AUTS2: variants seen among roughly 807,000 people sequenced by gnomAD.
The protein encoded by AUTS2 is activator of transcription and developmental regulator AUTS2.
AUTS2 carries 17 observed loss-of-function variants against 112.4 expected under a neutral mutation model. That is an observed-to-expected ratio of 0.15 (90% CI 0.10 to 0.23). AUTS2 has a LOEUF of 0.23. AUTS2 is among the 10% of genes least tolerant of loss of function. The pLI, the probability that AUTS2 is intolerant of heterozygous loss-of-function variation, is 1.00. For missense variants in AUTS2, 1,510 were observed against 1,701.6 expected (o/e 0.89, Z 1.98); for synonymous variants, 751 against 702.7 (o/e 1.07, Z -1.09).
At chr7:69,860,070 T>G (rs1792907602) in intron 1 of AUTS2, among the ~76,000 whole-genome samples, 2 of 152,058 alleles carry the variant, frequency 1.3e-5, no homozygotes, top group South Asian at 4.2e-4. Flanking sequence ...GTTTTTTGTT[T>G]TATTTTCTGT....
intron 2 of AUTS2, among the ~76,000 whole-genome samples, chr7:70,079,845 A>T (rs774557239): frequency 3.3e-5 from 5 of 152,156 alleles, no homozygotes; most frequent in Non-Finnish European, 5.9e-5. Context: ...TATTTGGCAG[A>T]TGGTTCTGGA....
intron 2 of AUTS2, among the ~76,000 whole-genome samples, chr7:69,917,289 C>CTTTTTTTTTTTTTTTTTTTTTTT (rs11313164): frequency 7.5e-6 from 1 of 133,298 alleles, no homozygotes; most frequent in Non-Finnish European, 1.6e-5. Context: ...CTTTTTTTTT[C>CTTTTTTTTTTTTTTTTTTTTTTT]TTTTTTTTTT....
chr7:69,627,503 A>C (rs1006821004), intron 1 of AUTS2, among the ~76,000 whole-genome samples: 19 of 152,068 alleles, frequency 1.2e-4, no homozygotes, highest in East Asian at 7.7e-4. Context: ...AAAAAACCCC[A>C]AAAAAACAAA....
intron 1 of AUTS2, among the ~76,000 whole-genome samples, chr7:69,765,517 G>T (rs1174107864): frequency 6.6e-6 from 1 of 152,150 alleles, no homozygotes; most frequent in Non-Finnish European, 1.5e-5. Flanking sequence ...GGGTCTCACT[G>T]TGTTGCCCAG....
chr7:70,267,866 T>C (rs934662112), intron 4 of AUTS2, among the ~76,000 whole-genome samples: 11 of 152,054 alleles, frequency 7.2e-5, no homozygotes, highest in East Asian at 1.9e-4. Context: ...GGATTGCTTT[T>C]CCCCCCCTAC....
At chr7:69,737,298 G>T (rs978001757) in intron 1 of AUTS2, among the ~76,000 whole-genome samples, 2 of 152,054 alleles carry the variant, frequency 1.3e-5, no homozygotes, top group East Asian at 1.9e-4. Context: ...TGCTATTAAT[G>T]TACCAAGTAC....
At chr7:69,632,994 T>C (rs1463155446) in intron 1 of AUTS2, among the ~76,000 whole-genome samples, 1 of 152,204 alleles carries the variant, frequency 6.6e-6, no homozygotes, top group Non-Finnish European at 1.5e-5. Context: ...TAAAATCTAC[T>C]CATTTAGCAT....
At chr7:70,308,199 C>T (rs1480849369) in intron 4 of AUTS2, among the ~76,000 whole-genome samples, 3 of 152,190 alleles carry the variant, frequency 2.0e-5, no homozygotes, top group Non-Finnish European at 2.9e-5. Flanking sequence ...CAGGCTTTCT[C>T]CATTTGAAGG....
At chr7:69,972,221 C>G (rs1336766729) in intron 2 of AUTS2, among the ~76,000 whole-genome samples, 1 of 152,066 alleles carries the variant, frequency 6.6e-6, no homozygotes, top group Non-Finnish European at 1.5e-5. Flanking sequence ...TTTTCATTTG[C>G]TTATTTGTCA....
chr7:70,331,768 A>AC (rs1468782596), intron 4 of AUTS2, among the ~76,000 whole-genome samples: 1 of 152,084 alleles, frequency 6.6e-6, no homozygotes, highest in African/African-American at 2.4e-5. Context: ...AAAATTCGAC[A>AC]CCCCTTCATG....
intron 4 of AUTS2, among the ~76,000 whole-genome samples, chr7:70,255,374 G>A (rs1786812626): frequency 6.6e-6 from 1 of 152,094 alleles, no homozygotes; most frequent in Non-Finnish European, 1.5e-5. Flanking sequence ...GCCCAGCCAC[G>A]AAATTACCTT....
chr7:70,694,829 C>T lies in AUTS2; in HGVS notation c.691-3740C>T, dbSNP rs1473789167. The T allele has an allele frequency of 6.6e-6, 1 of 151,678 alleles. No homozygotes were observed. Among genetic ancestry groups the T allele is most frequent in the Non-Finnish European group, 1.5e-5 (1 of 67,880 alleles). 9.4% of individuals were successfully genotyped at this position (151,678 alleles called of 1,614,324 possible). A position where few individuals can be genotyped will look rare whatever the true frequency, so the allele number is the denominator to read the frequency against. On this transcript the variant is annotated intron_variant, in intron 5 of 18. Coordinates refer to ENST00000342771, the MANE Select transcript of AUTS2 (RefSeq NM_015570.4). The surrounding 1 kb of genome is among the most constrained non-coding windows in gnomAD (Gnocchi z 4.1). ...TCTCGGTCGCCCCGAAGCTGTTGCCCGGTTCGGATCTGGTTCGGCGCCTCC... is the reference window on the plus strand; with the variant it reads ...TCTCGGTCGCCCCGAAGCTGTTGCCTGGTTCGGATCTGGTTCGGCGCCTCC...
chr7:70,362,011 G>A (rs1253344223), intron 4 of AUTS2, among the ~76,000 whole-genome samples: 6 of 152,166 alleles, frequency 3.9e-5, no homozygotes, highest in African/African-American at 1.4e-4. Flanking sequence ...AGTCTACAAA[G>A]TGATTATTAT....
chr7:69,749,250 T>C (rs1055853865), intron 1 of AUTS2, among the ~76,000 whole-genome samples: 9 of 152,314 alleles, frequency 5.9e-5, no homozygotes, highest in Admixed American at 2.6e-4. Flanking sequence ...AACATCTTTA[T>C]GAACTGTAAT....
intron 2 of AUTS2, among the ~76,000 whole-genome samples, chr7:70,058,671 A>C (rs1802103900): frequency 6.6e-6 from 1 of 151,604 alleles, no homozygotes; most frequent in Non-Finnish European, 1.5e-5. Flanking sequence ...TTTCTTTTTA[A>C]ACTAACTTGA....
At chr7:69,739,728 A>G (rs1017715762) in intron 1 of AUTS2, among the ~76,000 whole-genome samples, 2 of 152,218 alleles carry the variant, frequency 1.3e-5, no homozygotes, top group African/African-American at 2.4e-5. Context: ...TTTGAGTTGA[A>G]AGAATTGGCT....
intron 2 of AUTS2, among the ~76,000 whole-genome samples, chr7:69,960,308 A>T (rs1029962887): frequency 1.3e-5 from 2 of 152,192 alleles, no homozygotes; most frequent in African/African-American, 4.8e-5. Flanking sequence ...AACCAGGCTC[A>T]TTTTTCCATA....
intron 5 of AUTS2, among the ~76,000 whole-genome samples, chr7:70,624,881 A>G (rs1804856471): frequency 6.6e-6 from 1 of 152,170 alleles, no homozygotes; most frequent in South Asian, 2.1e-4. Context: ...TGCACATGGC[A>G]CTGTGTAAGT....
At chr7:70,610,171 G>C (rs1002999415) in intron 5 of AUTS2, among the ~76,000 whole-genome samples, 3 of 152,004 alleles carry the variant, frequency 2.0e-5, no homozygotes, top group South Asian at 4.2e-4. Flanking sequence ...GGTAATTTTT[G>C]TATTTTAAGT....
Sources: allele counts gnomAD v4.1 joint callset (sites outside exome capture counted in the v4.1 genomes callset), GRCh38; gene constraint gnomAD v4.1.1; non-coding constraint Gnocchi (gnomAD v3.1); transcripts MANE v1.5; gene names NCBI Gene and HGNC (gene_info 2026-07-23, HGNC 2026-07-21).